The following TMCO5A variants were observed in gnomAD, a reference collection of about 807,000 sequenced individuals.
TMCO5A encodes transmembrane and coiled-coil domains 5A.
In TMCO5A, 34 loss-of-function variants were observed where a neutral mutation model predicts 42.3. The observed-to-expected ratio is 0.80, with a 90% CI of 0.61 to 1.07. The LOEUF (loss-of-function observed/expected upper bound fraction) is 1.07. TMCO5A is among the 50% of genes least tolerant of loss of function. The pLI is 0.00. For missense variants in TMCO5A, 357 were observed against 327.9 expected, an observed-to-expected ratio of 1.09 and a Z score of -0.69; for synonymous variants, 131 against 115.6, an observed-to-expected ratio of 1.13 and a Z score of -0.86.
chr15:37,937,032 A>G, intron 4 of TMCO5A, 62 bp downstream of exon 4: 1 of 1,595,930 alleles, frequency 6.3e-7, no homozygotes, highest in Non-Finnish European at 8.5e-7. Context: ...TCCTTCATCA[A>G]TTATCAGATA....
chr15:37,997,853 C>A, the TMCO5A span, among the ~76,000 whole-genome samples: 54 of 152,212 alleles, frequency 3.5e-4, no homozygotes, highest in African/African-American at 1.3e-3. Context: ...TCTTTTTTCT[C>A]CATATAATCG....
the TMCO5A span, among the ~76,000 whole-genome samples, chr15:38,036,354 G>A: frequency 6.6e-6 from 1 of 151,970 alleles, no homozygotes; most frequent in African/African-American, 2.4e-5. Context: ...TTCTGTTTTA[G>A]GACTTCCACT....
At chr15:37,943,990 T>A (rs370566272) in intron 10 of TMCO5A, 2 of 152,174 alleles carry the variant, frequency 1.3e-5, no homozygotes, top group African/African-American at 4.8e-5. Context: ...CTGCTTGATG[T>A]CTTGTGGCAG....
intron 10 of TMCO5A, among the ~76,000 whole-genome samples, chr15:37,945,782 A>G (rs1238608210): frequency 6.6e-6 from 1 of 152,124 alleles, no homozygotes; most frequent in Non-Finnish European, 1.5e-5. Context: ...CATTTGTCAG[A>G]TGCATAGTTT....
the TMCO5A span, among the ~76,000 whole-genome samples, chr15:37,977,982 C>T: frequency 6.6e-6 from 1 of 152,192 alleles, no homozygotes; most frequent in Admixed American, 6.5e-5. Flanking sequence ...AGGTGTAAGG[C>T]ACTCAGGGTC....
At chr15:38,025,887 T>C in the TMCO5A span, among the ~76,000 whole-genome samples, 1 of 152,234 alleles carries the variant, frequency 6.6e-6, no homozygotes, top group Non-Finnish European at 1.5e-5. Flanking sequence ...CTGATGCTTT[T>C]ATCAGGGGTT....
Position 37,937,199 on chromosome 15 carries a change from G to A in TMCO5A, c.265-147G>A, listed in dbSNP as rs1595584556. 4 of 1,097,218 alleles carry A rather than the reference G, an allele frequency of 3.6e-6. No individual in the cohort carries two copies. The East Asian group carries it at 9.8e-5, about 27-fold the overall frequency. 68.0% of individuals were successfully genotyped at this position (1,097,218 alleles called of 1,614,324 possible). A position where few individuals can be genotyped will look rare whatever the true frequency, so the allele number is the denominator to read the frequency against. The stretch of plus-strand genomic sequence containing the variant: ...ATCTATATCCCTGTATTTCACCTGT[G>A]GTTTGATTTCAATATACACATGACA... On this transcript the variant is annotated intron_variant, in intron 4 of 11. Transcript: ENST00000319669.
the TMCO5A span, among the ~76,000 whole-genome samples, chr15:38,031,998 C>T: frequency 1.3e-5 from 2 of 151,820 alleles, no homozygotes; most frequent in Non-Finnish European, 1.5e-5. Flanking sequence ...TTTCGTCGCC[C>T]AGGCTGGAGT....
Position 37,936,248 on chromosome 15 carries a change from T to C in TMCO5A, c.-10-66T>C, listed in dbSNP as rs1423695456. 3 of 1,544,388 alleles carry C rather than the reference T, an allele frequency of 1.9e-6. No homozygotes were observed. In the Admixed American group the frequency reaches 6.1e-5, roughly 31 times the overall value. ...AACTAGATGTGTTCTAAATACCCTT[T>C]TTGGCCTGATGATTATTGATCTTGA... is the stretch of plus-strand genomic sequence containing the variant. On this transcript the variant is annotated intron_variant, in intron 2 of 11. Transcript: ENST00000319669.
chr15:37,979,657 T>C, the TMCO5A span, among the ~76,000 whole-genome samples: 5 of 151,822 alleles, frequency 3.3e-5, no homozygotes, highest in African/African-American at 9.7e-5. Flanking sequence ...CCACTTTTCT[T>C]TAAGGCAGCT....
chr15:37,938,099 G>T, intron 5 of TMCO5A, 59 bp from the exon 6 acceptor site: 1 of 1,413,990 alleles, frequency 7.1e-7, no homozygotes, highest in South Asian at 1.2e-5. Flanking sequence ...CCACACACCA[G>T]AGAAAGTCTT....
At chr15:38,020,926 T>C in the TMCO5A span, among the ~76,000 whole-genome samples, 1 of 152,132 alleles carries the variant, frequency 6.6e-6, no homozygotes, top group African/African-American at 2.4e-5. Context: ...TGTGGATGGA[T>C]CAGCAATAGG....
intron 11 of TMCO5A, among the ~76,000 whole-genome samples, chr15:37,948,041 C>T (rs1890024737): frequency 6.6e-6 from 1 of 152,054 alleles, no homozygotes; most frequent in Admixed American, 6.6e-5. Context: ...TATCTGGTTT[C>T]CTAGTACCAT....
Position 37,936,464 on chromosome 15 carries a change from G to A in TMCO5A, c.140+1G>A, listed in dbSNP as rs376585714. ...AAGAGAGGGAAGATAAGATTCAGAG[G>A]TGAGTATTAAGGTTTCATGAGGGAA... On this transcript the variant is annotated splice_donor_variant, in intron 3 of 11. Coordinates refer to ENST00000319669, the MANE Select transcript of TMCO5A (RefSeq NM_152453.4). LOFTEE classifies it high-confidence loss of function. The A allele has an allele frequency of 1.2e-6, 2 of 1,611,348 alleles. No homozygotes were observed. Among genetic ancestry groups the A allele is most frequent in the East Asian group, 2.2e-5 (1 of 44,806 alleles).
the TMCO5A span, among the ~76,000 whole-genome samples, chr15:38,023,544 T>A: frequency 2.0e-5 from 3 of 152,236 alleles, no homozygotes; most frequent in Non-Finnish European, 2.9e-5. Context: ...AGGCATTTTA[T>A]GACCTAGCCT....
the TMCO5A span, chr15:37,994,482 T>C: frequency 6.6e-6 from 1 of 152,216 alleles, no homozygotes; most frequent in Non-Finnish European, 1.5e-5. Context: ...AAAAAGATTA[T>C]GCTAAAAGGA....
chr15:37,945,015 C>T (rs1473623449), intron 10 of TMCO5A, among the ~76,000 whole-genome samples: 1 of 152,072 alleles, frequency 6.6e-6, no homozygotes, highest in Non-Finnish European at 1.5e-5. Flanking sequence ...TCCTAATGCT[C>T]TCCCTCCCAC....
the TMCO5A span, among the ~76,000 whole-genome samples, chr15:37,973,720 A>G: frequency 6.6e-6 from 1 of 152,304 alleles, no homozygotes; most frequent in South Asian, 2.1e-4. Flanking sequence ...AAAAGGAGAT[A>G]GTTTGACTTC....
chr15:38,034,579 C>A, the TMCO5A span, among the ~76,000 whole-genome samples: 2 of 152,200 alleles, frequency 1.3e-5, no homozygotes, highest in Non-Finnish European at 2.9e-5. Context: ...TCCACCTCCC[C>A]AACCACCCCC....
Sources: allele counts gnomAD v4.1 joint callset (sites outside exome capture counted in the v4.1 genomes callset), GRCh38; gene constraint gnomAD v4.1.1; transcripts MANE v1.5; gene names NCBI Gene and HGNC (gene_info 2026-07-23, HGNC 2026-07-21).